Variants in CPED1 observed in about 807,000 individuals in gnomAD.
CPED1 encodes the protein cadherin-like and PC-esterase domain-containing protein 1.
Under a neutral mutation model 128.2 loss-of-function variants are expected in CPED1, and 114 were observed. The ratio of observed to expected loss-of-function variants is 0.89; its 90% confidence interval spans 0.76 to 1.04. CPED1 has a LOEUF of 1.04. Among genes scored for constraint, CPED1 ranks in the 50% least tolerant of loss-of-function variants. The pLI, the probability that CPED1 is intolerant of heterozygous loss-of-function variation, is 0.00. For missense variants in CPED1, 1,211 were observed against 1,207.1 expected, an observed-to-expected ratio of 1.00 and a Z score of -0.05; for synonymous variants, 462 against 426.7, an observed-to-expected ratio of 1.08 and a Z score of -1.02.
At chr7:121,034,247 C>CTTTTTTTTTTT (rs3067998) in intron 3 of CPED1, among the ~76,000 whole-genome samples, 1 of 113,954 alleles carries the variant, frequency 8.8e-6, no homozygotes, top group Non-Finnish European at 1.7e-5. Context: ...GTTTTTTTTT[C>CTTTTTTTTTTT]TTTTTTTTTT....
intron 3 of CPED1, among the ~76,000 whole-genome samples, chr7:121,045,946 AT>A (rs767175283): frequency 5.3e-5 from 8 of 152,094 alleles, no homozygotes; most frequent in Non-Finnish European, 1.0e-4. Context: ...TGTGTTTACC[AT>A]GCTCTCAAGG....
chr7:121,176,189 G>A (rs1356145487), intron 16 of CPED1, among the ~76,000 whole-genome samples: 2 of 89,258 alleles, frequency 2.2e-5, no homozygotes, highest in Non-Finnish European at 4.4e-5. Flanking sequence ...CATCCTCCCC[G>A]CTGGAAAAAA....
At chr7:121,135,827 T>C (rs1028809330) in intron 13 of CPED1, among the ~76,000 whole-genome samples, 5 of 152,038 alleles carry the variant, frequency 3.3e-5, no homozygotes, top group Non-Finnish European at 4.4e-5. Flanking sequence ...ATTTTCTCTC[T>C]TAATATTTTT....
At chr7:121,169,034 T>C (rs1796595031) in intron 16 of CPED1, among the ~76,000 whole-genome samples, 1 of 152,224 alleles carries the variant, frequency 6.6e-6, no homozygotes, top group African/African-American at 2.4e-5. Context: ...CATAAATATG[T>C]GTATGTGCTT....
chr7:121,211,079 C>T (rs947442151), intron 16 of CPED1, among the ~76,000 whole-genome samples: 15 of 151,976 alleles, frequency 9.9e-5, no homozygotes, highest in African/African-American at 2.2e-4. Flanking sequence ...ATTTGGGAAA[C>T]GTATGACCTT....
intron 16 of CPED1, among the ~76,000 whole-genome samples, chr7:121,187,204 G>A (rs1797022096): frequency 6.6e-6 from 1 of 152,174 alleles, no homozygotes; most frequent in South Asian, 2.1e-4. Flanking sequence ...AATGAAAAGA[G>A]CAGGCTGCTA....
chr7:121,241,803 A>C (rs1174932350), intron 17 of CPED1, among the ~76,000 whole-genome samples: 2 of 152,238 alleles, frequency 1.3e-5, no homozygotes, highest in Non-Finnish European at 1.5e-5. Context: ...TATGTTGACT[A>C]TTAGGTAATC....
intron 12 of CPED1, among the ~76,000 whole-genome samples, chr7:121,132,686 C>T (rs1192977976): frequency 6.6e-6 from 1 of 151,964 alleles, no homozygotes; most frequent in East Asian, 1.9e-4. Flanking sequence ...GAAATGCTTT[C>T]AATGAAAATC....
intron 14 of CPED1, among the ~76,000 whole-genome samples, chr7:121,136,653 TAGAG>T: frequency 6.6e-6 from 1 of 152,250 alleles, no homozygotes; most frequent in South Asian, 2.1e-4. Flanking sequence ...TATATCATCT[TAGAG>T]AGTCTAATTG....
intron 2 of CPED1, among the ~76,000 whole-genome samples, chr7:121,013,382 T>A (rs141736064): frequency 2.0e-3 from 306 of 152,324 alleles, no homozygotes; most frequent in African/African-American, 7.1e-3. Flanking sequence ...TCTCCCAAAG[T>A]AGCACATACA....
At position 121,270,811 on chromosome 7, in the gene CPED1, T is replaced by A. The variant is rs112727498; in HGVS notation, c.2722-473T>A. Among the ~76,000 whole-genome samples, 1,434 of 152,226 alleles carry A rather than the reference T, an allele frequency of 9.4e-3. 19 individuals carry two copies. The highest frequency in any genetic ancestry group is 0.033 in the African/African-American group (1,375 of 41,568). On this transcript the variant is annotated intron_variant, in intron 21 of 22. Coordinates refer to ENST00000310396, the MANE Select transcript of CPED1 (RefSeq NM_024913.5). ...TATAGCCTGAAGTCACATAATGTGA[T>A]GTGTTGGCTTTATTCTTTTTGTTTA... is the stretch of plus-strand genomic sequence containing the variant.
intron 2 of CPED1, among the ~76,000 whole-genome samples, chr7:121,014,823 G>C (rs532369323): frequency 2.6e-5 from 4 of 152,056 alleles, no homozygotes; most frequent in Admixed American, 6.6e-5. Flanking sequence ...CCTGGTTTTT[G>C]CTGACCTCCA....
At chr7:121,113,228 T>C (rs1795154265) in intron 7 of CPED1, among the ~76,000 whole-genome samples, 1 of 152,204 alleles carries the variant, frequency 6.6e-6, no homozygotes, top group Non-Finnish European at 1.5e-5. Context: ...ACTCCAGAAC[T>C]GTTTGGAAAT....
At chr7:121,051,540 T>C in intron 4 of CPED1, 1 of 414,454 alleles carries the variant, frequency 2.4e-6, no homozygotes, top group Non-Finnish European at 4.5e-6. Context: ...GCATATTAAA[T>C]GGAAATATGA....
intron 3 of CPED1, among the ~76,000 whole-genome samples, chr7:121,030,831 T>A (rs1792709578): frequency 6.6e-6 from 1 of 152,210 alleles, no homozygotes; most frequent in African/African-American, 2.4e-5. Context: ...TTGAAACATA[T>A]CTCCTGCAGA....
intron 18 of CPED1, among the ~76,000 whole-genome samples, chr7:121,259,104 TTA>T (rs1159944428): frequency 1.3e-5 from 2 of 152,078 alleles, no homozygotes; most frequent in African/African-American, 4.8e-5. Context: ...TTGTGACCTT[TTA>T]TATCTTTTTC....
chr7:121,130,872 A>C (rs1272887919), intron 12 of CPED1, among the ~76,000 whole-genome samples: 1 of 152,060 alleles, frequency 6.6e-6, no homozygotes. Flanking sequence ...CTTCACTTCC[A>C]TTCTAATGAG....
At chr7:121,111,713 A>G (rs1442135304) in intron 7 of CPED1, among the ~76,000 whole-genome samples, 1 of 105,204 alleles carries the variant, frequency 9.5e-6, no homozygotes, top group African/African-American at 2.6e-5. Flanking sequence ...CTGAAAATAA[A>G]AAAGAAAAAA....
intron 16 of CPED1, among the ~76,000 whole-genome samples, chr7:121,199,113 A>G (rs12706322): frequency 0.095 from 14,472 of 152,144 alleles, 856 homozygotes; most frequent in South Asian, 0.17. Flanking sequence ...GCTCTTTAGC[A>G]TTTGTAATCA....
Sources: gnomAD v4.1 joint callset for allele counts (sites outside exome capture counted in the v4.1 genomes callset) on GRCh38, gnomAD v4.1.1 for gene constraint, MANE v1.5 for transcripts, NCBI Gene and HGNC (gene_info 2026-07-23, HGNC 2026-07-21) for gene names.